TIMM23B: variants seen among roughly 807,000 people sequenced by gnomAD.
The protein encoded by TIMM23B is translocase of inner mitochondrial membrane 23 homolog B, also known as mitochondrial import inner membrane translocase subunit Tim23B.
In TIMM23B, 27 loss-of-function variants were observed where a neutral mutation model predicts 27.3. The ratio of observed to expected loss-of-function variants is 0.99; its 90% CI spans 0.73 to 1.36. TIMM23B has a LOEUF of 1.36. Among genes scored for constraint, TIMM23B ranks in the 40% most tolerant of loss-of-function variants. TIMM23B has a pLI of 0.00. For missense variants in TIMM23B, 205 were observed against 244.2 expected, an observed-to-expected ratio of 0.84 and a Z score of 1.07; for synonymous variants, 73 against 92.4, an observed-to-expected ratio of 0.79 and a Z score of 1.21.
chr10:49,965,643 GTC>G (rs1214266933), intron 6 of TIMM23B, among the ~76,000 whole-genome samples: 1 of 151,200 alleles, frequency 6.6e-6, no homozygotes, highest in Non-Finnish European at 1.5e-5. Context: ...GATAGAGCGA[GTC>G]TCTGTCTCGA....
intron 6 of TIMM23B, among the ~76,000 whole-genome samples, chr10:49,967,233 T>A (rs1215614620): frequency 6.6e-6 from 1 of 152,024 alleles, no homozygotes; most frequent in African/African-American, 2.4e-5. Flanking sequence ...CCTCTTTTTT[T>A]AAATTTCTGT....
rs1286158269 is a variant in TIMM23B at position 49,973,083 on chromosome 10, G to T, written c.*19G>T. ...CTCCTGAACCCAGCTGTAGAGGTGT[G>T]TGTCAATCCCAACTGGTGAAGTACT... is the stretch of plus-strand genomic sequence containing the variant. On this transcript the variant is annotated 3_prime_UTR_variant, in exon 7 of 7. Transcript: ENST00000651259. 3.3e-6 allele frequency: 5 copies of T among 1,533,074 alleles called. No homozygotes were observed. Among genetic ancestry groups the T allele is most frequent in the South Asian group, 1.2e-5 (1 of 83,962 alleles). The allele number at this position is 1,533,074 out of a possible 1,614,324, so 95.0% of individuals were successfully genotyped here. A position where few individuals can be genotyped will look rare whatever the true frequency, so the allele number is the denominator to read the frequency against.
intron 1 of TIMM23B, among the ~76,000 whole-genome samples, chr10:49,942,592 C>G (rs1290758769): frequency 6.6e-6 from 1 of 151,974 alleles, no homozygotes; most frequent in Non-Finnish European, 1.5e-5. Context: ...TGTGGTGGGC[C>G]GTGTGATTGA....
intron 6 of TIMM23B, among the ~76,000 whole-genome samples, chr10:49,962,603 A>G (rs1194124883): frequency 1.3e-5 from 2 of 151,836 alleles, no homozygotes; most frequent in Non-Finnish European, 2.9e-5. Context: ...TTTAACTCCC[A>G]CTTCAGGGCC....
chr10:49,951,377 G>C (rs1382256815), intron 2 of TIMM23B, among the ~76,000 whole-genome samples: 1 of 151,574 alleles, frequency 6.6e-6, no homozygotes, highest in Non-Finnish European at 1.5e-5. Flanking sequence ...TGGAAAGCGT[G>C]CCAAAAATGA....
intron 4 of TIMM23B, 21 bp from the exon 5 acceptor site, chr10:49,954,981 T>A: frequency 6.2e-7 from 1 of 1,612,210 alleles, no homozygotes; most frequent in Non-Finnish European, 8.5e-7. Flanking sequence ...ATACAGATTC[T>A]TTCTCTTTCT....
At chr10:49,966,161 C>T (rs1446927172) in intron 6 of TIMM23B, among the ~76,000 whole-genome samples, 3 of 146,278 alleles carry the variant, frequency 2.1e-5, no homozygotes, top group Non-Finnish European at 4.5e-5. Context: ...CCAGCTTGCG[C>T]GGTAGAGTGA....
intron 2 of TIMM23B, among the ~76,000 whole-genome samples, chr10:49,951,453 T>C (rs1839526464): frequency 6.6e-6 from 1 of 152,174 alleles, no homozygotes; most frequent in Non-Finnish European, 1.5e-5. Context: ...GAGTGTGTTT[T>C]TCATAAAGGT....
rs1369667308 is a variant in TIMM23B at position 49,956,875 on chromosome 10, A to G, written c.404-1495A>G. 1.3e-3 allele frequency among the ~76,000 whole-genome samples: 161 copies of G among 122,714 alleles called. 10 individuals are homozygous for G. The Middle Eastern group carries it at 0.026, about 20-fold the overall frequency. The allele number at this position is 122,714 out of a possible 152,430, so 80.5% of individuals were successfully genotyped here. ...AATTGCCATACTGACTTTTGTGTTGAAAAAAAAAAACAGTTTTTCCTCTGC... is the reference window on the plus strand; with the variant it reads ...AATTGCCATACTGACTTTTGTGTTGGAAAAAAAAAACAGTTTTTCCTCTGC... On this transcript the variant is annotated intron_variant, in intron 5 of 6. Coordinates refer to ENST00000651259, the MANE Select transcript of TIMM23B (RefSeq NM_001290117.2).
chr10:49,968,274 G>A (rs1292416274), intron 6 of TIMM23B, among the ~76,000 whole-genome samples: 2 of 152,208 alleles, frequency 1.3e-5, no homozygotes, highest in Non-Finnish European at 2.9e-5. Flanking sequence ...TACGGATAAA[G>A]TTTGAAATGC....
In TIMM23B at chr10:49,953,228, G is replaced by T. The variant is rs1212417048; in HGVS notation, c.344+695G>T. On this transcript the variant is annotated intron_variant, in intron 4 of 6. Transcript: ENST00000651259. The stretch of plus-strand genomic sequence containing the variant: ...GTGGAATCATGAGTATGTATTCTTC[G>T]ATGGCTACTGTTTTGTTTTAGGACA... Among the ~76,000 whole-genome samples the T allele has an allele frequency of 1.1e-4, 16 of 151,728 alleles. No homozygotes were observed. In the South Asian group the frequency reaches 2.9e-3, roughly 28 times the overall value.
rs2805289 is a variant in TIMM23B at position 49,967,370 on chromosome 10, C to T, written c.515-5642C>T. Among the ~76,000 whole-genome samples the T allele has an allele frequency of 5.9e-5, 9 of 152,300 alleles. 1 individual carries two copies. The Middle Eastern group carries it at 0.014, about 230-fold the overall frequency. On this transcript the variant is annotated intron_variant, in intron 6 of 6. Transcript: ENST00000651259. ...TCATTTCCAAATCCATGAATCTGGA[C>T]GTTGAAGTTATATTTGTATTCCCAC...
intron 2 of TIMM23B, among the ~76,000 whole-genome samples, chr10:49,946,015 C>T (rs1404633927): frequency 3.9e-4 from 59 of 152,348 alleles, no homozygotes; most frequent in East Asian, 3.9e-4. Context: ...CATAGCGAAA[C>T]GCTGTTTCTA....
At chr10:49,962,811 T>C (rs1839967202) in intron 6 of TIMM23B, among the ~76,000 whole-genome samples, 1 of 152,026 alleles carries the variant, frequency 6.6e-6, no homozygotes. Flanking sequence ...GAAAATTATC[T>C]GCATGCTTAA....
At position 49,973,990 on chromosome 10, in the gene TIMM23B, C is replaced by CG. The variant is rs1840560556; in HGVS notation, c.*930dup. 2 of 131,502 alleles carry CG rather than the reference C, an allele frequency of 1.5e-5. No homozygotes were observed. The highest frequency in any genetic ancestry group is 7.7e-5 in the Admixed American group (1 of 12,928). The allele number at this position is 131,502 out of a possible 1,614,324, so 8.1% of individuals were successfully genotyped here. A position where few individuals can be genotyped will look rare whatever the true frequency, so the allele number is the denominator to read the frequency against. On this transcript the variant is annotated 3_prime_UTR_variant, in exon 7 of 7. Coordinates refer to ENST00000651259, the MANE Select transcript of TIMM23B (RefSeq NM_001290117.2). ...CTAATTTTTTGTGTTTTAGTAGAGA[C>CG]GGGGTTTTACCATGTTGGCCAGGAT...
chr10:49,944,521 G>A (rs1336182896), intron 1 of TIMM23B, among the ~76,000 whole-genome samples: 1 of 151,772 alleles, frequency 6.6e-6, no homozygotes, highest in East Asian at 1.9e-4. Flanking sequence ...CTGTGGTAAT[G>A]ACCCAAGGAT....
intron 2 of TIMM23B, among the ~76,000 whole-genome samples, chr10:49,949,467 T>C (rs1839454649): frequency 6.6e-6 from 1 of 152,086 alleles, no homozygotes; most frequent in Non-Finnish European, 1.5e-5. Context: ...ACTAGTTGCA[T>C]GTATTTTGCT....
intron 6 of TIMM23B, among the ~76,000 whole-genome samples, chr10:49,964,368 AAATG>A (rs1336495792): frequency 6.8e-6 from 1 of 147,778 alleles, no homozygotes; most frequent in Non-Finnish European, 1.5e-5. Flanking sequence ...ATGCTGGGTG[AAATG>A]AATAATGAAA....
At chr10:49,943,355 C>T (rs1443602651) in intron 1 of TIMM23B, 13 of 152,052 alleles carry the variant, frequency 8.5e-5, no homozygotes, top group African/African-American at 2.9e-4. Flanking sequence ...AGCTGGGAAT[C>T]TAGGTACGTA....
Sources: gnomAD v4.1 joint callset for allele counts (sites outside exome capture counted in the v4.1 genomes callset) on GRCh38, gnomAD v4.1.1 for gene constraint, MANE v1.5 for transcripts, NCBI Gene and HGNC (gene_info 2026-07-23, HGNC 2026-07-21) for gene names.